The following ITPK1 variants were observed in gnomAD, a reference collection of about 807,000 sequenced individuals.
ITPK1 encodes the protein inositol 1,3,4-trisphosphate 5/6-kinase.
Under a neutral mutation model 45.3 loss-of-function variants are expected in ITPK1, and 21 were observed. That is an observed-to-expected ratio of 0.46 (90% CI 0.33 to 0.67). ITPK1 has a LOEUF of 0.67. Among genes scored for constraint, ITPK1 ranks in the 30% least tolerant of loss-of-function variants. The pLI is 0.02. For missense variants in ITPK1, 474 were observed against 573.5 expected (o/e 0.83, Z 1.77); for synonymous variants, 258 against 253.6 (o/e 1.02, Z -0.16).
At chr14:93,085,932 TG>T (rs137941522) in intron 2 of ITPK1, among the ~76,000 whole-genome samples, 9,839 of 152,068 alleles carry the variant, frequency 0.065, 311 homozygotes, top group Middle Eastern at 0.092. Flanking sequence ...AGGGAGGTAG[TG>T]GGGGGTGCTG....
At chr14:93,105,323 C>T (rs1212245759) in intron 2 of ITPK1, among the ~76,000 whole-genome samples, 1 of 152,168 alleles carries the variant, frequency 6.6e-6, no homozygotes, top group Admixed American at 6.5e-5. Flanking sequence ...TTGGCTAACT[C>T]GGTGCTTCCC....
intron 5 of ITPK1, among the ~76,000 whole-genome samples, chr14:92,980,515 G>A (rs1886169648): frequency 6.6e-6 from 1 of 152,100 alleles, no homozygotes; most frequent in Admixed American, 6.5e-5. Context: ...TTTCTTACCT[G>A]CCTGGCCTTT....
At position 93,055,839 on chromosome 14, in the gene ITPK1, T is replaced by G. The variant is rs1312168799; in HGVS notation, c.120+20756A>C. Reference sequence around the variant, plus strand: ...GAAGTCCAGACTCAAGTCTCAGCCTTGTGAAGCCAGCTGACTGGAGTGGCA... The same window carrying G: ...GAAGTCCAGACTCAAGTCTCAGCCTGGTGAAGCCAGCTGACTGGAGTGGCA... On this transcript the variant is annotated intron_variant, in intron 3 of 10. Coordinates refer to ENST00000267615, the MANE Select transcript of ITPK1 (RefSeq NM_014216.6). Among the ~76,000 whole-genome samples, 7 of 152,178 alleles carry G rather than the reference T, an allele frequency of 4.6e-5. No homozygotes were observed. The East Asian group carries it at 1.3e-3, about 29-fold the overall frequency.
chr14:92,968,107 A>G (rs964488367), intron 5 of ITPK1, among the ~76,000 whole-genome samples: 4 of 152,212 alleles, frequency 2.6e-5, no homozygotes, highest in African/African-American at 4.8e-5. Flanking sequence ...AGGTGGGCCG[A>G]TCACCTGAAG....
chr14:92,985,260 A>G (rs1464855129), intron 5 of ITPK1, among the ~76,000 whole-genome samples: 1 of 152,104 alleles, frequency 6.6e-6, no homozygotes, highest in Admixed American at 6.6e-5. Flanking sequence ...ATCCTGGACT[A>G]AAAAATGGGT....
intron 3 of ITPK1, among the ~76,000 whole-genome samples, chr14:93,021,500 G>A (rs982255732): frequency 4.6e-5 from 7 of 152,138 alleles, no homozygotes; most frequent in African/African-American, 1.7e-4. Context: ...GGCTGAGGTG[G>A]GAGAATTGCT....
At chr14:93,042,476 G>A (rs946166745) in intron 3 of ITPK1, among the ~76,000 whole-genome samples, 3 of 152,136 alleles carry the variant, frequency 2.0e-5, no homozygotes, top group Admixed American at 6.5e-5. Context: ...TTGAGGCTGC[G>A]ATCTCTCTAG....
At chr14:93,072,408 AGAT>A (rs1221592151) in intron 3 of ITPK1, among the ~76,000 whole-genome samples, 1 of 152,144 alleles carries the variant, frequency 6.6e-6, no homozygotes, top group Non-Finnish European at 1.5e-5. Context: ...ATGAATTCTC[AGAT>A]GAATATTGCC....
intron 5 of ITPK1, among the ~76,000 whole-genome samples, chr14:92,983,608 A>G (rs1342125661): frequency 6.6e-6 from 1 of 152,238 alleles, no homozygotes; most frequent in African/African-American, 2.4e-5. Flanking sequence ...AATTGTGCCA[A>G]TAACGACAAA....
At chr14:92,992,915 G>A (rs1886860937) in intron 5 of ITPK1, among the ~76,000 whole-genome samples, 2 of 152,234 alleles carry the variant, frequency 1.3e-5, no homozygotes, top group Non-Finnish European at 2.9e-5. Flanking sequence ...CAAGGAGAAG[G>A]CCTAACCCAA....
intron 3 of ITPK1, among the ~76,000 whole-genome samples, chr14:93,047,277 C>G (rs1889817992): frequency 6.6e-6 from 1 of 152,210 alleles, no homozygotes; most frequent in Non-Finnish European, 1.5e-5. Context: ...GTGATACAGT[C>G]CTGGCCAGCT....
At chr14:92,943,621 T>C (rs1017715581) in intron 10 of ITPK1, among the ~76,000 whole-genome samples, 1 of 152,168 alleles carries the variant, frequency 6.6e-6, no homozygotes, top group African/African-American at 2.4e-5. Context: ...TCCTCCAGCA[T>C]CCCCAGACAA....
intron 5 of ITPK1, among the ~76,000 whole-genome samples, chr14:92,982,616 G>A (rs938188253): frequency 6.6e-6 from 1 of 152,158 alleles, no homozygotes; most frequent in Non-Finnish European, 1.5e-5. Context: ...GACACCCTGG[G>A]CCAAGAGCCC....
rs1281029518 is a variant in ITPK1, at chr14:93,014,850, G to T, written c.246+1826C>A. On this transcript the variant is annotated intron_variant, in intron 4 of 10. Transcript: ENST00000267615. This position sits in a 1 kb window ranked among gnomAD's most constrained non-coding sequence, Gnocchi z 4.4. ...GAGCAGGGCTTGGTAAGCGGTAACTGCTCTGCAGTGCTTTCTGAGGTAACG... is the reference window on the plus strand; with the variant it reads ...GAGCAGGGCTTGGTAAGCGGTAACTTCTCTGCAGTGCTTTCTGAGGTAACG... 1.3e-5 allele frequency among the ~76,000 whole-genome samples: 2 copies of T among 152,268 alleles called. No individual in the cohort carries two copies. Among genetic ancestry groups the T allele is most frequent in the African/African-American group, 2.4e-5 (1 of 41,470 alleles).
At chr14:92,946,606 GA>G in intron 9 of ITPK1, 113 bp from the exon 10 acceptor site, 2 of 1,077,890 alleles carry the variant, frequency 1.9e-6, no homozygotes, top group South Asian at 2.9e-5. Flanking sequence ...TTCAGGCCAG[GA>G]AGCCAGACAG....
At chr14:93,066,360 C>G in intron 3 of ITPK1, 1 of 424,824 alleles carries the variant, frequency 2.4e-6, no homozygotes, top group South Asian at 1.6e-5. Context: ...GAGGCGTCTG[C>G]TGGGAAAGCA....
At chr14:93,105,703 T>G (rs1470756260) in intron 2 of ITPK1, among the ~76,000 whole-genome samples, 5 of 65,902 alleles carry the variant, frequency 7.6e-5, no homozygotes, top group African/African-American at 2.3e-4. Context: ...TTTTGTGGGG[T>G]TTTTTTTTTT....
intron 2 of ITPK1, among the ~76,000 whole-genome samples, chr14:93,096,267 T>A (rs1250960676): frequency 6.6e-6 from 1 of 152,160 alleles, no homozygotes; most frequent in African/African-American, 2.4e-5. Flanking sequence ...CAGCCACAGC[T>A]CTCTCCTTGG....
At chr14:93,043,049 G>C (rs1889626031) in intron 3 of ITPK1, among the ~76,000 whole-genome samples, 1 of 151,944 alleles carries the variant, frequency 6.6e-6, no homozygotes, top group African/African-American at 2.4e-5. Context: ...TCTACAAATT[G>C]ACTTGAAGTC....
Sources: allele counts gnomAD v4.1 joint callset (sites outside exome capture counted in the v4.1 genomes callset), GRCh38; gene constraint gnomAD v4.1.1; non-coding constraint Gnocchi (gnomAD v3.1); transcripts MANE v1.5; gene names NCBI Gene and HGNC (gene_info 2026-07-23, HGNC 2026-07-21).